The following LGALS9 variants were observed in gnomAD, a reference collection of about 807,000 sequenced individuals.
The protein encoded by LGALS9 is galectin-9.
A neutral mutation model predicts 35.9 loss-of-function variants in LGALS9; 26 were observed. That is an observed-to-expected ratio of 0.72 (90% CI 0.53 to 1.01). The LOEUF (loss-of-function observed/expected upper bound fraction) is 1.01. Among genes scored for constraint, LGALS9 ranks in the 50% least tolerant of loss-of-function variants. LGALS9 has a pLI of 0.00. For missense variants in LGALS9, 347 were observed against 445.8 expected, an observed-to-expected ratio of 0.78 and a Z score of 1.99; for synonymous variants, 149 against 172.2, an observed-to-expected ratio of 0.87 and a Z score of 1.06.
Position 27,647,033 on chromosome 17 carries a change from A to G in LGALS9, c.673A>G (p.Met225Val), listed in dbSNP as rs778284793. The change falls in exon 9 of 11, where the codon ATG becomes GTG. Residue 225 changes from methionine (M) to valine (V), a missense_variant. By Grantham distance (21) the Met-to-Val change is conservative. Coordinates refer to ENST00000395473, the MANE Select transcript of LGALS9 (RefSeq NM_009587.3). The stretch of plus-strand genomic sequence containing the variant: ...CCTGTCCCCCTTCTTCCGACAGCCG[A>G]TGCCTTTCATCACCACCATTCTGGG... Reference protein sequence around the residue: ...PMMYPHPAYPMPFITTILGGL... With the variant: ...PMMYPHPAYPVPFITTILGGL... The G allele has an allele frequency of 6.2e-7, 1 of 1,613,928 alleles. No homozygotes were observed. Among genetic ancestry groups the G allele is most frequent in the Non-Finnish European group, 8.5e-7 (1 of 1,179,880 alleles).
chr17:27,643,535 C>A lies in LGALS9; in HGVS notation c.455C>A (p.Thr152Lys). 6.2e-7 allele frequency: 1 copy of A among 1,611,938 alleles called. No homozygotes were observed. Among genetic ancestry groups the A allele is most frequent in the African/African-American group, 1.3e-5 (1 of 74,992 alleles). Residue 152 changes from threonine (T) to lysine (K), a missense_variant, in exon 5 of 11, where the codon ACA becomes AAA. By Grantham distance (78) the Thr-to-Lys change is moderately conservative. Coordinates refer to ENST00000395473, the MANE Select transcript of LGALS9 (RefSeq NM_009587.3). ...LSYISFQNPR[T>K]VPVQPAFSTV... ...CTTTTGTTTTAACAGAACCCCCGCA[C>A]AGTCCCTGTTCAGCCTGCCTTCTCC... is the stretch of plus-strand genomic sequence containing the variant.
At chr17:27,645,690 C>T (rs1904878425) in intron 6 of LGALS9, 171 bp from the exon 7 acceptor site, 1 of 622,792 alleles carries the variant, frequency 1.6e-6, no homozygotes, top group East Asian at 2.8e-5. Flanking sequence ...ACCTTTGCCC[C>T]TCGCTCATCC....
chr17:27,633,899 C>A (rs2074416378), intron 1 of LGALS9, among the ~76,000 whole-genome samples: 1 of 152,244 alleles, frequency 6.6e-6, no homozygotes, highest in South Asian at 2.1e-4. Flanking sequence ...GGTCAAGTGA[C>A]TTGGCCAGTG....
chr17:27,647,476 C>G (rs754506282), intron 10 of LGALS9, 44 bp downstream of exon 10: 3 of 1,611,218 alleles, frequency 1.9e-6, no homozygotes, highest in Non-Finnish European at 2.5e-6. Flanking sequence ...CCCATGGGTG[C>G]ACAGGGGGAG....
rs548308437 is a variant in LGALS9, at chr17:27,646,810, C to T, written c.670-220C>T. ...AGCACATTGCATGTCCCTCCCTTTT[C>T]ACCCCACGAAACGAGTCTTTTTGTG... On this transcript the variant is annotated intron_variant, in intron 8 of 10. Transcript: ENST00000395473. Among the ~76,000 whole-genome samples the T allele has an allele frequency of 3.3e-5, 5 of 152,336 alleles. No individual in the cohort carries two copies. The East Asian group carries it at 9.6e-4, about 29-fold the overall frequency.
intron 1 of LGALS9, among the ~76,000 whole-genome samples, chr17:27,637,986 A>C: frequency 6.6e-6 from 1 of 152,050 alleles, no homozygotes; most frequent in African/African-American, 2.4e-5. Flanking sequence ...ACTGCCTCTT[A>C]GACTCTCACA....
intron 8 of LGALS9, 64 bp downstream of exon 8, chr17:27,646,652 C>A (rs1256830219): frequency 6.2e-7 from 1 of 1,609,462 alleles, no homozygotes; most frequent in Non-Finnish European, 8.5e-7. Context: ...GGTGAAGGGC[C>A]GCTGTGGGGG....
rs957564682 is a variant in LGALS9, at chr17:27,649,077, C to T, written c.*95C>T. 8.9e-6 allele frequency: 14 copies of T among 1,575,718 alleles called. No homozygotes were observed. The African/African-American group carries it at 1.3e-4, about 15-fold the overall frequency. On this transcript the variant is annotated 3_prime_UTR_variant, in exon 11 of 11. Coordinates refer to ENST00000395473, the MANE Select transcript of LGALS9 (RefSeq NM_009587.3). ...CCCAGGCCCAGCCTTTCCAACCCTGCCTGGGATCTGGGCTTTAATGCAGAG... is the reference window on the plus strand; with the variant it reads ...CCCAGGCCCAGCCTTTCCAACCCTGTCTGGGATCTGGGCTTTAATGCAGAG...
intron 1 of LGALS9, among the ~76,000 whole-genome samples, chr17:27,634,401 A>ATT (rs1015263071): frequency 4.6e-5 from 7 of 152,208 alleles, no homozygotes; most frequent in Admixed American, 1.3e-4. Flanking sequence ...ATAGACAAAC[A>ATT]TTAGCCAGGT....
intron 10 of LGALS9, among the ~76,000 whole-genome samples, chr17:27,648,613 C>G (rs1382435741): frequency 6.6e-6 from 1 of 152,088 alleles, no homozygotes; most frequent in African/African-American, 2.4e-5. Context: ...GTGCTCCTGT[C>G]CCTGATGGGG....
At chr17:27,646,050 C>T (rs1183510327) in intron 7 of LGALS9, 139 bp downstream of exon 7, 2 of 702,292 alleles carry the variant, frequency 2.8e-6, no homozygotes, top group Non-Finnish European at 4.9e-6. Context: ...GTGCTTGGCT[C>T]AGGTGACATG....
In LGALS9 at chr17:27,631,243, G is replaced by T. The variant is rs1362096134; in HGVS notation, c.-23G>T. ...TTCCTAGTGGGTGTGAAAGGCAGCG[G>T]TGGCCACAGAGGCGGCGGAGAGATG... On this transcript the variant is annotated 5_prime_UTR_variant, in exon 1 of 11. Coordinates refer to ENST00000395473, the MANE Select transcript of LGALS9 (RefSeq NM_009587.3). 9 of 1,614,160 alleles carry T rather than the reference G, an allele frequency of 5.6e-6. No homozygotes were observed. Among genetic ancestry groups the T allele is most frequent in the Non-Finnish European group, 7.6e-6 (9 of 1,180,012 alleles).
At chr17:27,640,364 A>G (rs1213729286) in intron 2 of LGALS9, 3 of 741,064 alleles carry the variant, frequency 4.0e-6, no homozygotes, top group Non-Finnish European at 6.6e-6. Context: ...TTAGCAAATC[A>G]TGCTGTAAAG....
rs1904575102 is a variant in LGALS9 at position 27,642,320 on chromosome 17, C to T, written c.416C>T (p.Ser139Phe). 1 of 1,612,200 alleles carries T rather than the reference C, an allele frequency of 6.2e-7. No individual in the cohort carries two copies. The highest frequency in any genetic ancestry group is 8.5e-7 in the Non-Finnish European group (1 of 1,179,842). Residue 139 changes from serine to phenylalanine, a missense_variant, in exon 4 of 11, where the codon TCT (serine) becomes TTT (phenylalanine). Ser to Phe is a radical substitution (Grantham distance 155). Coordinates refer to ENST00000395473, the MANE Select transcript of LGALS9 (RefSeq NM_009587.3). The part of the protein sequence containing the change: ...HRVDTISVNG[S>F]VQLSYISFQN... Reference sequence around the variant, plus strand: ...GTGGACACCATCTCCGTCAATGGCTCTGTGCAGCTGTCCTACATCAGCTTC... The same window carrying T: ...GTGGACACCATCTCCGTCAATGGCTTTGTGCAGCTGTCCTACATCAGCTTC...
Position 27,640,663 on chromosome 17 carries a change from A to C in LGALS9, c.223A>C (p.Asn75His). 6.2e-7 allele frequency: 1 copy of C among 1,614,238 alleles called. No homozygotes were observed. Among genetic ancestry groups the C allele is most frequent in the Non-Finnish European group, 8.5e-7 (1 of 1,180,038 alleles). Residue 75 changes from asparagine (N) to histidine (H), a missense_variant, in exon 3 of 11, where the codon AAC (asparagine) becomes CAC (histidine). Transcript: ENST00000395473. ...TGAAGATGGAGGGTACGTGGTGTGC[A>C]ACACGAGGCAGAACGGAAGCTGGGG... is the stretch of plus-strand genomic sequence containing the variant. ...RFEDGGYVVC[N>H]TRQNGSWGPE...
intron 6 of LGALS9, 84 bp from the exon 7 acceptor site, chr17:27,645,777 G>T (rs1222292190): frequency 9.0e-7 from 1 of 1,105,714 alleles, no homozygotes; most frequent in Non-Finnish European, 1.3e-6. Flanking sequence ...CCCCTGGAGG[G>T]TGCCTGCCGT....
chr17:27,647,830 G>A (rs1388491763), intron 10 of LGALS9, among the ~76,000 whole-genome samples: 1 of 152,240 alleles, frequency 6.6e-6, no homozygotes, highest in Non-Finnish European at 1.5e-5. Flanking sequence ...CTGCCTCCAG[G>A]GAGTTTATAA....
chr17:27,646,401 G>A, intron 7 of LGALS9, 146 bp from the exon 8 acceptor site: 1 of 1,269,246 alleles, frequency 7.9e-7, no homozygotes, highest in Non-Finnish European at 1.1e-6. Context: ...AACATGAAAA[G>A]GGAGGTAGAC....
intron 3 of LGALS9, among the ~76,000 whole-genome samples, chr17:27,641,902 C>A (rs1190144674): frequency 6.6e-6 from 1 of 151,844 alleles, no homozygotes; most frequent in African/African-American, 2.4e-5. Context: ...TGACCCACTG[C>A]ACTCCAGCCT....
Sources: gnomAD v4.1 joint callset for allele counts (sites outside exome capture counted in the v4.1 genomes callset) on GRCh38, gnomAD v4.1.1 for gene constraint, MANE v1.5 for transcripts, NCBI Gene and HGNC (gene_info 2026-07-23, HGNC 2026-07-21) for gene names.